TBC1D2: variants seen among roughly 807,000 people sequenced by gnomAD.
TBC1D2 encodes the protein TBC1 domain family member 2.
In TBC1D2, 58 loss-of-function variants were observed where a neutral mutation model predicts 91.1. The observed-to-expected ratio is 0.64, with a 90% CI of 0.52 to 0.79. The LOEUF (loss-of-function observed/expected upper bound fraction) is 0.79. Ranked by LOEUF, TBC1D2 falls within the 30% of genes least tolerant of loss-of-function variation. The pLI is 0.00. For missense variants in TBC1D2, 1,080 were observed against 1,208.3 expected, an observed-to-expected ratio of 0.89 and a Z score of 1.57; for synonymous variants, 482 against 511.5, an observed-to-expected ratio of 0.94 and a Z score of 0.78.
chr9:98,221,356 C>A, intron 5 of TBC1D2, 128 bp from the exon 6 acceptor site: 1 of 1,142,242 alleles, frequency 8.8e-7, no homozygotes. Flanking sequence ...TGCGGCATCT[C>A]ATCCTGACAC....
In TBC1D2 at chr9:98,203,389, G is replaced by A; in HGVS notation, c.2170C>T (p.Leu724=). Residue 724 remains leucine (L), a synonymous_variant, in exon 10 of 13, where the codon CTG becomes TTG. Coordinates refer to ENST00000465784, the MANE Select transcript of TBC1D2 (RefSeq NM_001267571.2). ...GLNRLAAIAL[L]VLEEEESAFW... Reference sequence around the variant, plus strand: ...GCGCTCTCCTCCTCCTCTAGGACCAGCAGGGCAATGGCCGCCAGCCTGGAG... The same window carrying A: ...GCGCTCTCCTCCTCCTCTAGGACCAACAGGGCAATGGCCGCCAGCCTGGAG... 1 of 1,614,210 alleles carries A rather than the reference G, an allele frequency of 6.2e-7. No homozygotes were observed. Among genetic ancestry groups the A allele is most frequent in the Non-Finnish European group, 8.5e-7 (1 of 1,180,048 alleles).
intron 9 of TBC1D2, among the ~76,000 whole-genome samples, chr9:98,207,055 C>T (rs1172704675): frequency 6.6e-6 from 1 of 152,166 alleles, no homozygotes; most frequent in Non-Finnish European, 1.5e-5. Context: ...CAGACCTGAC[C>T]TGTGGCAGAC....
At chr9:98,214,927 C>T (rs1487339715) in intron 6 of TBC1D2, among the ~76,000 whole-genome samples, 1 of 152,194 alleles carries the variant, frequency 6.6e-6, no homozygotes, top group African/African-American at 2.4e-5. Context: ...CAGGCCACCC[C>T]TGCTTTCATC....
intron 6 of TBC1D2, among the ~76,000 whole-genome samples, chr9:98,218,753 C>T (rs922660684): frequency 2.6e-5 from 4 of 152,048 alleles, no homozygotes; most frequent in Non-Finnish European, 5.9e-5. Flanking sequence ...TGCAGTGGCA[C>T]AATCTCAGCT....
At chr9:98,237,887 G>A (rs893716358) in intron 3 of TBC1D2, among the ~76,000 whole-genome samples, 6 of 148,878 alleles carry the variant, frequency 4.0e-5, no homozygotes, top group African/African-American at 1.5e-4. Flanking sequence ...ACAATATTAA[G>A]TCTTTTTTTT....
In TBC1D2 at chr9:98,209,047, G is replaced by T; in HGVS notation, c.1771C>A (p.His591Asn). Residue 591 changes from histidine to asparagine, a missense_variant, in exon 9 of 13, where the codon CAC (histidine) becomes AAC (asparagine). Transcript: ENST00000465784. ...TCCACAGCCTCGAGGCCCAGCAGGT[G>T]GTGGGATCGTGACTCCAATGCCTGG... Reference protein sequence around the residue: ...KIQALESRSHHLLGLEAVDRP... With the variant: ...KIQALESRSHNLLGLEAVDRP... 1 of 1,614,174 alleles carries T rather than the reference G, an allele frequency of 6.2e-7. No individual in the cohort carries two copies.
intron 7 of TBC1D2, among the ~76,000 whole-genome samples, chr9:98,212,565 A>C (rs1828873387): frequency 6.6e-6 from 1 of 151,164 alleles, no homozygotes; most frequent in Admixed American, 6.6e-5. Flanking sequence ...GCAGTGGCGC[A>C]ATCTCGGCTC....
In TBC1D2 at chr9:98,221,003, G is replaced by A. The variant is rs1829084880; in HGVS notation, c.1204C>T (p.Gln402Ter). 6.2e-7 allele frequency: 1 copy of A among 1,614,160 alleles called. No homozygotes were observed. Among genetic ancestry groups the A allele is most frequent in the Non-Finnish European group, 8.5e-7 (1 of 1,180,022 alleles). ...LREQQVQELQ[Q>*]HVQLLMDKNH... ...TTGTCCATAAGCAGCTGCACGTGCT[G>A]CTGTAGCTCCTGCACCTGCTGCTCC... The change falls in exon 6 of 13, where the codon CAG (glutamine) becomes TAG (stop). Residue 402 changes from glutamine to a stop codon, truncating the protein, a stop_gained. Transcript: ENST00000465784. LOFTEE classifies it high-confidence loss of function.
At chr9:98,249,621 C>CA (rs1352322442) in intron 2 of TBC1D2, among the ~76,000 whole-genome samples, 1 of 152,048 alleles carries the variant, frequency 6.6e-6, no homozygotes, top group Admixed American at 6.5e-5. Flanking sequence ...GGAGCAGAAG[C>CA]AAAGAAACCC....
At chr9:98,224,579 G>C (rs1014458296) in intron 5 of TBC1D2, among the ~76,000 whole-genome samples, 3 of 152,070 alleles carry the variant, frequency 2.0e-5, no homozygotes, top group African/African-American at 7.2e-5. Flanking sequence ...CACCATGCCC[G>C]GCCCAAGTGG....
intron 4 of TBC1D2, among the ~76,000 whole-genome samples, chr9:98,230,165 A>C (rs889107510): frequency 2.0e-5 from 3 of 152,186 alleles, no homozygotes; most frequent in African/African-American, 7.2e-5. Flanking sequence ...TGGGATATAT[A>C]CATCATGCCT....
chr9:98,248,023 T>C (rs1829801861), intron 2 of TBC1D2, among the ~76,000 whole-genome samples: 2 of 152,162 alleles, frequency 1.3e-5, no homozygotes, highest in Admixed American at 1.3e-4. Flanking sequence ...TCCTGGGGGT[T>C]GTCATCACTG....
chr9:98,238,615 T>C (rs1301078249), intron 3 of TBC1D2, among the ~76,000 whole-genome samples: 1 of 137,546 alleles, frequency 7.3e-6, no homozygotes, highest in Admixed American at 6.7e-5. Flanking sequence ...TCCAGAACAA[T>C]GTTGAATATT....
At chr9:98,205,309 GCTTA>G (rs1406376743) in intron 9 of TBC1D2, among the ~76,000 whole-genome samples, 1 of 152,196 alleles carries the variant, frequency 6.6e-6, no homozygotes, top group African/African-American at 2.4e-5. Context: ...GGTTGCTAGG[GCTTA>G]CTAACTGCTC....
At chr9:98,225,642 T>C (rs546502183) in intron 5 of TBC1D2, among the ~76,000 whole-genome samples, 152 of 152,346 alleles carry the variant, frequency 1.0e-3, no homozygotes, top group African/African-American at 3.5e-3. Context: ...GCAGACACTC[T>C]GAGAACCTCA....
chr9:98,247,133 G>A (rs141542962), intron 2 of TBC1D2, among the ~76,000 whole-genome samples: 1 of 151,808 alleles, frequency 6.6e-6, no homozygotes, highest in African/African-American at 2.4e-5. Context: ...TTCAAGATCA[G>A]CCTGGCCAAC....
rs768657843 is a variant in TBC1D2, at chr9:98,220,914, G to A, written c.1293C>T (p.His431=). 209 of 1,614,210 alleles carry A rather than the reference G, an allele frequency of 1.3e-4. No individual in the cohort carries two copies. Among genetic ancestry groups the A allele is most frequent in the Non-Finnish European group, 1.7e-4 (197 of 1,180,036 alleles). Residue 431 remains histidine (H), a synonymous_variant, in exon 6 of 13, where the codon CAC becomes CAT. Transcript: ENST00000465784. ...GGCGCAAAGGAGACTGGTCAGGGGG[G>A]TGCGTGAAGTCCTGGGTGACCTTCT... ...LSEKVTQDFT[H]PPDQSPLRPD... is the part of the protein sequence containing the mutation.
intron 2 of TBC1D2, among the ~76,000 whole-genome samples, chr9:98,246,508 A>C (rs1216712256): frequency 6.6e-6 from 1 of 152,222 alleles, no homozygotes; most frequent in Non-Finnish European, 1.5e-5. Flanking sequence ...CACCAAACAC[A>C]GACTGGGTGT....
chr9:98,251,681 T>G, intron 2 of TBC1D2, 104 bp downstream of exon 2: 1 of 1,429,206 alleles, frequency 7.0e-7, no homozygotes, highest in Non-Finnish European at 9.1e-7. Context: ...CCTGGCTCTC[T>G]GCTTCCTTAG....
Sources: gnomAD v4.1 joint callset for allele counts (sites outside exome capture counted in the v4.1 genomes callset) on GRCh38, gnomAD v4.1.1 for gene constraint, MANE v1.5 for transcripts, NCBI Gene and HGNC (gene_info 2026-07-23, HGNC 2026-07-21) for gene names.